MYLK: variants seen among roughly 807,000 people sequenced by gnomAD.
MYLK encodes myosin light chain kinase, also known as myosin light chain kinase, smooth muscle.
A neutral mutation model predicts 203.4 loss-of-function variants in MYLK; 106 were observed. That is an observed-to-expected ratio of 0.52 (90% CI 0.45 to 0.61). MYLK has a LOEUF of 0.61. Among genes scored for constraint, MYLK ranks in the 20% least tolerant of loss-of-function variants. The pLI is 0.00. For synonymous variants in MYLK, 867 were observed against 959.5 expected, an observed-to-expected ratio of 0.90 and a Z score of 1.78; for missense variants, 2,072 against 2,442.3, an observed-to-expected ratio of 0.85 and a Z score of 3.20.
At chr3:123,870,630 T>G (rs1040925909) in intron 2 of MYLK, among the ~76,000 whole-genome samples, 3 of 152,240 alleles carry the variant, frequency 2.0e-5, no homozygotes, top group African/African-American at 7.2e-5. Context: ...ATTCACCACA[T>G]TAGTAGACTA....
At chr3:123,704,994 T>G (rs2061404703) in intron 16 of MYLK, among the ~76,000 whole-genome samples, 1 of 152,234 alleles carries the variant, frequency 6.6e-6, no homozygotes, top group Non-Finnish European at 1.5e-5. Context: ...GCTGGAATTT[T>G]GAGCTGACTT....
At chr3:123,627,189 G>T (rs977907450) in intron 30 of MYLK, among the ~76,000 whole-genome samples, 2 of 152,200 alleles carry the variant, frequency 1.3e-5, no homozygotes, top group African/African-American at 4.8e-5. Context: ...GAAGTGACTG[G>T]GCTCCATGGC....
chr3:123,800,910 T>C (rs1406231322), intron 3 of MYLK, among the ~76,000 whole-genome samples: 1 of 152,222 alleles, frequency 6.6e-6, no homozygotes, highest in East Asian at 1.9e-4. Flanking sequence ...AGAGCTTTTG[T>C]TTGTGAGTTA....
At chr3:123,773,019 C>A (rs1451142082) in intron 4 of MYLK, among the ~76,000 whole-genome samples, 1 of 151,944 alleles carries the variant, frequency 6.6e-6, no homozygotes, top group Non-Finnish European at 1.5e-5. Flanking sequence ...AATTCTATTT[C>A]TAATATCTCT....
chr3:123,686,876 G>C (rs543271393), intron 19 of MYLK, among the ~76,000 whole-genome samples: 1 of 152,162 alleles, frequency 6.6e-6, no homozygotes, highest in Admixed American at 6.5e-5. Context: ...TACAAAAACA[G>C]CAATTTTATT....
At chr3:123,703,408 C>T (rs572343912) in intron 16 of MYLK, among the ~76,000 whole-genome samples, 4 of 152,178 alleles carry the variant, frequency 2.6e-5, no homozygotes, top group Non-Finnish European at 5.9e-5. Flanking sequence ...ACTGCCTTAG[C>T]TCTTTCACTC....
intron 29 of MYLK, among the ~76,000 whole-genome samples, chr3:123,632,887 T>C (rs1271312141): frequency 6.7e-6 from 1 of 149,236 alleles, no homozygotes; most frequent in Admixed American, 6.7e-5. Flanking sequence ...TCACTGAACC[T>C]CTGGCTCAAG....
At chr3:123,761,146 C>T (rs1293185010) in intron 4 of MYLK, among the ~76,000 whole-genome samples, 1 of 152,208 alleles carries the variant, frequency 6.6e-6, no homozygotes, top group Non-Finnish European at 1.5e-5. Context: ...CCCCAAACAA[C>T]ACAGAGACTA....
intron 2 of MYLK, among the ~76,000 whole-genome samples, chr3:123,847,330 A>C (rs1305839809): frequency 6.6e-6 from 1 of 152,112 alleles, no homozygotes; most frequent in African/African-American, 2.4e-5. Flanking sequence ...TGTATCTTCC[A>C]CTTAAAAATC....
chr3:123,739,931 G>A (rs760295330), intron 6 of MYLK, 22 bp downstream of exon 6: 1 of 1,613,508 alleles, frequency 6.2e-7, no homozygotes, highest in Non-Finnish European at 8.5e-7. Context: ...CCCTTACTCT[G>A]TCTTGAACAT....
At chr3:123,710,335 T>C (rs820338) in intron 13 of MYLK, among the ~76,000 whole-genome samples, 126,065 of 151,632 alleles carry the variant, frequency 0.83, 56,339 homozygotes, top group Non-Finnish European at 0.99. Context: ...GTGTAACATA[T>C]AGAAGCAAAC....
chr3:123,857,177 G>T (rs1398878589), intron 2 of MYLK, among the ~76,000 whole-genome samples: 12 of 152,056 alleles, frequency 7.9e-5, no homozygotes, highest in Non-Finnish European at 1.8e-4. Flanking sequence ...GGAGAAATAG[G>T]AACACTTTTA....
chr3:123,854,401 T>A (rs745876028), intron 2 of MYLK, among the ~76,000 whole-genome samples: 1 of 152,108 alleles, frequency 6.6e-6, no homozygotes, highest in Non-Finnish European at 1.5e-5. Context: ...ATCTTGCTAT[T>A]GTTGCCTAGT....
intron 33 of MYLK, among the ~76,000 whole-genome samples, chr3:123,615,483 G>A (rs1350987970): frequency 3.3e-5 from 5 of 151,586 alleles, no homozygotes; most frequent in African/African-American, 7.3e-5. Flanking sequence ...ACAGGTGCAC[G>A]CCACGACACC....
At chr3:123,794,050 C>A (rs138055800) in intron 3 of MYLK, among the ~76,000 whole-genome samples, 318 of 152,360 alleles carry the variant, frequency 2.1e-3, no homozygotes, top group African/African-American at 7.2e-3. Context: ...CAGAGCCCAT[C>A]CCAGACAAAC....
chr3:123,701,170 A>G (rs1280677605), intron 17 of MYLK, among the ~76,000 whole-genome samples, 165 bp from the exon 18 acceptor site: 1 of 142,300 alleles, frequency 7.0e-6, no homozygotes, highest in Non-Finnish European at 1.5e-5. Flanking sequence ...CATTGGTGAG[A>G]GGCGCTCGCT....
chr3:123,640,139 A>G lies in MYLK; in HGVS notation c.4837+148T>C. The G allele has an allele frequency of 1.4e-6, 1 of 734,026 alleles. No homozygotes were observed. The highest frequency in any genetic ancestry group is 2.4e-6 in the Non-Finnish European group (1 of 419,086). 45.5% of individuals were successfully genotyped at this position (734,026 alleles called of 1,614,324 possible). A position where few individuals can be genotyped will look rare whatever the true frequency, so the allele number is the denominator to read the frequency against. On this transcript the variant is annotated intron_variant, in intron 28 of 33. Coordinates refer to ENST00000360304, the MANE Select transcript of MYLK (RefSeq NM_053025.4). The surrounding 1 kb of genome is among the most constrained non-coding windows in gnomAD (Gnocchi z 4.3). ...TTTGAGGCTTACTGTCACGTCTAGT[A>G]TGTGGTAGGGGCAGGATTCAAACCT...
chr3:123,678,522 G>T (rs557523490), intron 20 of MYLK, among the ~76,000 whole-genome samples: 2 of 151,930 alleles, frequency 1.3e-5, no homozygotes, highest in African/African-American at 2.4e-5. Flanking sequence ...CAGCAGGGAG[G>T]GGGGTGTGCA....
At chr3:123,741,723 G>A (rs561965689) in intron 5 of MYLK, among the ~76,000 whole-genome samples, 1 of 152,352 alleles carries the variant, frequency 6.6e-6, no homozygotes, top group South Asian at 2.1e-4. Flanking sequence ...ATTTGTAATA[G>A]TGAAAGTTAG....
Sources: allele counts gnomAD v4.1 joint callset (sites outside exome capture counted in the v4.1 genomes callset), GRCh38; gene constraint gnomAD v4.1.1; non-coding constraint Gnocchi (gnomAD v3.1); transcripts MANE v1.5; gene names NCBI Gene and HGNC (gene_info 2026-07-23, HGNC 2026-07-21).